Variants in PITPNC1 observed in about 807,000 individuals in gnomAD.
PITPNC1 encodes phosphatidylinositol transfer protein cytoplasmic 1, also known as cytoplasmic phosphatidylinositol transfer protein 1.
In PITPNC1, 18 loss-of-function variants were observed where a neutral mutation model predicts 44.7. The ratio of observed to expected loss-of-function variants is 0.40; its 90% CI spans 0.28 to 0.60. The LOEUF (loss-of-function observed/expected upper bound fraction) is 0.60, where lower values mean the gene tolerates loss of function less well. Among genes scored for constraint, PITPNC1 ranks in the 20% least tolerant of loss-of-function variants. The pLI, the probability that PITPNC1 is intolerant of heterozygous loss-of-function variation, is 0.39. For synonymous variants in PITPNC1, 141 were observed against 149.6 expected (o/e 0.94, Z 0.42); for missense variants, 290 against 418.4 (o/e 0.69, Z 2.68).
chr17:67,385,687 G>A (rs906013658), intron 1 of PITPNC1, among the ~76,000 whole-genome samples: 1 of 152,240 alleles, frequency 6.6e-6, no homozygotes, highest in East Asian at 1.9e-4. Flanking sequence ...AACCATCTCC[G>A]GACACAGTTC....
At chr17:67,438,951 T>C (rs1357737887) in intron 1 of PITPNC1, among the ~76,000 whole-genome samples, 1 of 152,184 alleles carries the variant, frequency 6.6e-6, no homozygotes, top group Non-Finnish European at 1.5e-5. Flanking sequence ...GGGACTGCAA[T>C]TGAGCACTTT....
At chr17:67,441,444 C>T (rs542660641) in intron 1 of PITPNC1, among the ~76,000 whole-genome samples, 148 of 152,232 alleles carry the variant, frequency 9.7e-4, no homozygotes, top group African/African-American at 3.3e-3. Context: ...ATGTACATAT[C>T]GTGTGAGACG....
At chr17:67,500,021 A>G (rs923952055) in intron 1 of PITPNC1, among the ~76,000 whole-genome samples, 2 of 152,198 alleles carry the variant, frequency 1.3e-5, no homozygotes, top group East Asian at 1.9e-4. Flanking sequence ...AGAATTATCC[A>G]TCTTCTCCCC....
intron 4 of PITPNC1, among the ~76,000 whole-genome samples, chr17:67,565,395 G>A (rs1158607279): frequency 1.4e-5 from 2 of 144,426 alleles, no homozygotes; most frequent in Admixed American, 6.9e-5. Flanking sequence ...AGTTTTCCAT[G>A]TTTTTCAGTG....
At chr17:67,579,087 AC>A (rs1413936175) in intron 5 of PITPNC1, among the ~76,000 whole-genome samples, 3 of 152,258 alleles carry the variant, frequency 2.0e-5, no homozygotes, top group Non-Finnish European at 4.4e-5. Context: ...CACACATCCT[AC>A]CTTAAAATCA....
In PITPNC1 at chr17:67,588,065, G is replaced by A. The variant is rs111857830; in HGVS notation, c.366+9808G>A. ...GTCACCCAGGCTGGAGTGCAGTGGC[G>A]TGATCTCACCTCACTACAATCTCTA... On this transcript the variant is annotated intron_variant, in intron 5 of 8. Transcript: ENST00000581322. Among the ~76,000 whole-genome samples the A allele has an allele frequency of 1.3e-4, 20 of 152,204 alleles. 1 individual carries two copies. Among genetic ancestry groups the A allele is most frequent in the African/African-American group, 4.8e-4 (20 of 41,524 alleles).
intron 5 of PITPNC1, among the ~76,000 whole-genome samples, chr17:67,603,492 C>G (rs925431480): frequency 2.6e-5 from 4 of 152,328 alleles, no homozygotes; most frequent in African/African-American, 9.6e-5. Context: ...ACAACTGACA[C>G]TGAGGCTTAG....
At chr17:67,390,800 T>A (rs2038126865) in intron 1 of PITPNC1, among the ~76,000 whole-genome samples, 1 of 151,768 alleles carries the variant, frequency 6.6e-6, no homozygotes, top group East Asian at 1.9e-4. Context: ...GAGGAGGGAG[T>A]CTGGGGTCAC....
At chr17:67,588,303 C>T (rs1055225350) in intron 5 of PITPNC1, among the ~76,000 whole-genome samples, 2 of 152,174 alleles carry the variant, frequency 1.3e-5, no homozygotes, top group South Asian at 2.1e-4. Flanking sequence ...CGTGCCCAGC[C>T]GTGAAGTCTG....
chr17:67,561,571 A>G (rs148422565), intron 4 of PITPNC1, among the ~76,000 whole-genome samples: 117 of 152,282 alleles, frequency 7.7e-4, no homozygotes, highest in African/African-American at 2.7e-3. Flanking sequence ...AAGTGTTGAT[A>G]CATCTTTTCA....
intron 5 of PITPNC1, among the ~76,000 whole-genome samples, chr17:67,614,402 G>A (rs1370268326): frequency 1.3e-5 from 2 of 152,082 alleles, no homozygotes; most frequent in Non-Finnish European, 2.9e-5. Context: ...CAGGCACGGT[G>A]GTTCACGCCT....
chr17:67,474,432 G>C (rs779271987), intron 1 of PITPNC1, among the ~76,000 whole-genome samples: 2 of 152,150 alleles, frequency 1.3e-5, no homozygotes, highest in African/African-American at 2.4e-5. Context: ...ATTTGGAGCA[G>C]ATAATTCATT....
chr17:67,480,218 G>T (rs1053842565), intron 1 of PITPNC1, among the ~76,000 whole-genome samples: 2 of 152,140 alleles, frequency 1.3e-5, no homozygotes, highest in Admixed American at 6.6e-5. Context: ...GTCTAACGAT[G>T]AAACATGAAT....
In PITPNC1 at chr17:67,378,148, C is replaced by A; in HGVS notation, c.-7C>A. On this transcript the variant is annotated 5_prime_UTR_variant, in exon 1 of 9. Transcript: ENST00000581322. ...TCCCGCCCCGGGGGTCCGCGGCCGG[C>A]AGGACCATGCTGCTGAAAGAGTACC... 1 of 1,536,650 alleles carries A rather than the reference C, an allele frequency of 6.5e-7. No individual in the cohort carries two copies. Among genetic ancestry groups the A allele is most frequent in the Non-Finnish European group, 8.7e-7 (1 of 1,144,242 alleles).
At chr17:67,388,091 C>A (rs920284862) in intron 1 of PITPNC1, among the ~76,000 whole-genome samples, 27 of 152,110 alleles carry the variant, frequency 1.8e-4, no homozygotes, top group Admixed American at 1.2e-3. Flanking sequence ...TTTTAAGGAA[C>A]CCTGATCCTC....
chr17:67,589,889 A>G (rs1221752773), intron 5 of PITPNC1, among the ~76,000 whole-genome samples: 1 of 151,890 alleles, frequency 6.6e-6, no homozygotes, highest in Non-Finnish European at 1.5e-5. Flanking sequence ...AATCTCTTGA[A>G]CCCAGGAGGT....
intron 8 of PITPNC1, among the ~76,000 whole-genome samples, chr17:67,681,279 C>T (rs1240091792): frequency 6.6e-6 from 1 of 152,084 alleles, no homozygotes; most frequent in African/African-American, 2.4e-5. Flanking sequence ...CATATGTAGT[C>T]AACAGGATTA....
At chr17:67,458,141 C>A (rs1347227) in intron 1 of PITPNC1, among the ~76,000 whole-genome samples, 2 of 152,306 alleles carry the variant, frequency 1.3e-5, no homozygotes, top group East Asian at 3.9e-4. Flanking sequence ...GTACTCCTTT[C>A]TTCTCTCTCC....
At chr17:67,457,847 T>A (rs1221366325) in intron 1 of PITPNC1, 2 of 152,208 alleles carry the variant, frequency 1.3e-5, no homozygotes, top group South Asian at 4.1e-4. Flanking sequence ...TATTATCTTT[T>A]AAAATGTTGC....
Sources: allele counts gnomAD v4.1 joint callset (sites outside exome capture counted in the v4.1 genomes callset), GRCh38; gene constraint gnomAD v4.1.1; transcripts MANE v1.5; gene names NCBI Gene and HGNC (gene_info 2026-07-23, HGNC 2026-07-21).